VWA3A: variants seen among roughly 807,000 people sequenced by gnomAD.
VWA3A encodes the protein von Willebrand factor A domain-containing protein 3A.
VWA3A carries 134 observed loss-of-function variants against 160.4 expected under a neutral mutation model. The ratio of observed to expected loss-of-function variants is 0.84; its 90% confidence interval spans 0.73 to 0.96. The LOEUF is 0.96. Ranked by LOEUF, VWA3A falls within the 40% of genes least tolerant of loss-of-function variation. VWA3A has a pLI of 0.00. For synonymous variants in VWA3A, 476 were observed against 543.4 expected, an observed-to-expected ratio of 0.88 and a Z score of 1.72; for missense variants, 1,310 against 1,447.9, an observed-to-expected ratio of 0.90 and a Z score of 1.55.
At chr16:22,142,478 T>C (rs1316592928) in intron 24 of VWA3A, among the ~76,000 whole-genome samples, 190 bp from the exon 25 acceptor site, 2 of 151,822 alleles carry the variant, frequency 1.3e-5, no homozygotes, top group African/African-American at 4.8e-5. Flanking sequence ...CGGCAAGTAA[T>C]AGAGGGAGAA....
chr16:22,136,144 G>A (rs1376658694), intron 21 of VWA3A, among the ~76,000 whole-genome samples: 1 of 152,170 alleles, frequency 6.6e-6, no homozygotes, highest in African/African-American at 2.4e-5. Flanking sequence ...AGTTGAGCAG[G>A]ACAAGATACA....
At chr16:22,149,712 A>G (rs1305444819) in intron 28 of VWA3A, 75 bp from the exon 29 acceptor site, 4 of 1,462,896 alleles carry the variant, frequency 2.7e-6, no homozygotes, top group East Asian at 2.5e-5. Context: ...TCTGAATTCA[A>G]TCTAGACAGG....
rs557938940 is a variant in VWA3A at position 22,132,873 on chromosome 16, C to T, written c.1873-27C>T. The stretch of plus-strand genomic sequence containing the variant: ...CAGCTTCAAGGCCCTCAGCTGCTGG[C>T]CCCTCCTACCTTCTCTTCCCCACCA... On this transcript the variant is annotated intron_variant, in intron 19 of 33. Coordinates refer to ENST00000389398, the MANE Select transcript of VWA3A (RefSeq NM_173615.5). 6 of 1,597,464 alleles carry T rather than the reference C, an allele frequency of 3.8e-6. No individual in the cohort carries two copies. In the South Asian group the frequency reaches 5.6e-5, roughly 15 times the overall value.
chr16:22,104,537 G>A (rs1355332464), intron 6 of VWA3A, among the ~76,000 whole-genome samples: 2 of 152,090 alleles, frequency 1.3e-5, no homozygotes, highest in Non-Finnish European at 2.9e-5. Context: ...TTAAGGGCTA[G>A]GCATAGTGGT....
intron 22 of VWA3A, among the ~76,000 whole-genome samples, chr16:22,139,363 C>T (rs2046102110): frequency 6.6e-6 from 1 of 152,302 alleles, no homozygotes; most frequent in South Asian, 2.1e-4. Context: ...CCGCCACACT[C>T]CAGTCGTGGC....
chr16:22,115,316 T>C, intron 8 of VWA3A, 31 bp from the exon 9 acceptor site: 1 of 1,556,914 alleles, frequency 6.4e-7, no homozygotes, highest in East Asian at 2.3e-5. Context: ...AACAGTCTTA[T>C]AATTAGGTTG....
intron 29 of VWA3A, 93 bp downstream of exon 29, chr16:22,150,024 C>A: frequency 6.9e-7 from 1 of 1,449,238 alleles, no homozygotes; most frequent in South Asian, 1.5e-5. Flanking sequence ...TTACAAAGGG[C>A]GCTTTATAAT....
chr16:22,137,883 T>A (rs2046072914), intron 21 of VWA3A, among the ~76,000 whole-genome samples: 1 of 152,194 alleles, frequency 6.6e-6, no homozygotes, highest in Admixed American at 6.6e-5. Flanking sequence ...AAATCCTATC[T>A]AGAGGAACAA....
rs114671535 is a variant in VWA3A, at chr16:22,154,658, T to A, written c.3406-909T>A. 9.1e-3 allele frequency among the ~76,000 whole-genome samples: 1,388 copies of A among 151,778 alleles called. 24 individuals carry two copies. The highest frequency in any genetic ancestry group is 0.03 in the African/African-American group (1,224 of 41,394). ...AAATTTTATTAGTTAACATTTTTTT[T>A]AAAAAGCATGCCTCAGCCGGGCGCG... is the stretch of plus-strand genomic sequence containing the variant. On this transcript the variant is annotated intron_variant, in intron 31 of 33. Coordinates refer to ENST00000389398, the MANE Select transcript of VWA3A (RefSeq NM_173615.5).
In VWA3A at chr16:22,123,663, C is replaced by G; in HGVS notation, c.1488C>G (p.Leu496=). 1 of 1,613,972 alleles carries G rather than the reference C, an allele frequency of 6.2e-7. No homozygotes were observed. The highest frequency in any genetic ancestry group is 2.2e-5 in the East Asian group (1 of 44,874). The change falls in exon 16 of 34, where the codon CTC becomes CTG. Residue 496 remains leucine (L), a synonymous_variant. Coordinates refer to ENST00000389398, the MANE Select transcript of VWA3A (RefSeq NM_173615.5). ...MRMYERRIEW[L]SLASRRIWGT... The stretch of plus-strand genomic sequence containing the variant: ...TGTATGAGAGGCGGATTGAGTGGCT[C>G]TCCCTGGCCAGCAGAAGAATCTGGG...
chr16:22,101,928 G>T (rs1433224023), intron 5 of VWA3A, among the ~76,000 whole-genome samples: 3 of 152,182 alleles, frequency 2.0e-5, no homozygotes, highest in African/African-American at 7.2e-5. Flanking sequence ...AAATTGACTT[G>T]GATAGAATCC....
At position 22,153,738 on chromosome 16, in the gene VWA3A, A is replaced by AT. The variant is rs66519465; in HGVS notation, c.3405+1123dup. Among the ~76,000 whole-genome samples, 1,081 of 132,530 alleles carry AT rather than the reference A, an allele frequency of 8.2e-3. 43 individuals are homozygous for AT. Among genetic ancestry groups the AT allele is most frequent in the Middle Eastern group, 0.024 (6 of 254 alleles). 86.9% of individuals were successfully genotyped at this position (132,530 alleles called of 152,430 possible). A position where few individuals can be genotyped will look rare whatever the true frequency, so the allele number is the denominator to read the frequency against. Reference sequence around the variant, plus strand: ...GGTTACTTTCACAGGACATGGCATAATTTTTTTTTTTTTTTTTTTGAGACA... The same window carrying AT: ...GGTTACTTTCACAGGACATGGCATAATTTTTTTTTTTTTTTTTTTTGAGACA... On this transcript the variant is annotated intron_variant, in intron 31 of 33. Transcript: ENST00000389398.
At chr16:22,100,384 A>G (rs757255650) in intron 4 of VWA3A, 32 bp from the exon 5 acceptor site, 75 of 1,551,658 alleles carry the variant, frequency 4.8e-5, no homozygotes, top group Non-Finnish European at 5.7e-5. Flanking sequence ...CCTGGGCCCG[A>G]GAGATCCCCT....
At chr16:22,118,854 C>T in intron 11 of VWA3A, 48 bp from the exon 12 acceptor site, 1 of 1,609,770 alleles carries the variant, frequency 6.2e-7, no homozygotes, top group Non-Finnish European at 8.5e-7. Context: ...TTGACCCCTG[C>T]AGGTAGTCAA....
At chr16:22,123,384 G>A in intron 15 of VWA3A, 1 of 1,448,192 alleles carries the variant, frequency 6.9e-7, no homozygotes, top group South Asian at 1.2e-5. Flanking sequence ...ATCCTCTGGG[G>A]AAAGATCTGC....
intron 6 of VWA3A, among the ~76,000 whole-genome samples, chr16:22,108,095 C>T (rs2045505950): frequency 6.6e-6 from 1 of 152,116 alleles, no homozygotes; most frequent in African/African-American, 2.4e-5. Flanking sequence ...TCATTGATCA[C>T]CTTGACATGT....
At chr16:22,148,069 G>A in intron 27 of VWA3A, 93 bp from the exon 28 acceptor site, 23 of 1,427,218 alleles carry the variant, frequency 1.6e-5, no homozygotes, top group Non-Finnish European at 2.0e-5. Flanking sequence ...GGTGTCACAA[G>A]ACTTTATACT....
At chr16:22,093,528 T>C (rs1598037190) in intron 1 of VWA3A, among the ~76,000 whole-genome samples, 1 of 152,186 alleles carries the variant, frequency 6.6e-6, no homozygotes, top group Non-Finnish European at 1.5e-5. Flanking sequence ...ACGCAGTGAG[T>C]GCTCTATAAA....
Position 22,144,253 on chromosome 16 carries a change from G to T in VWA3A, c.2599G>T (p.Ala867Ser), listed in dbSNP as rs1034837289. Residue 867 changes from alanine to serine, a missense_variant, in exon 26 of 34, where the codon GCA becomes TCA. Ala to Ser is a moderately conservative substitution (Grantham distance 99). Coordinates refer to ENST00000389398, the MANE Select transcript of VWA3A (RefSeq NM_173615.5). ...TCTTTCCTTTATTCTAAAGTGGGTG[G>T]CAAAATATGGGCTCAAAAAATTGAA... is the stretch of plus-strand genomic sequence containing the variant. ...DTVCSSQEWV[A>S]KYGLKKLKLE... 2 of 1,610,940 alleles carry T rather than the reference G, an allele frequency of 1.2e-6. No homozygotes were observed. Among genetic ancestry groups the T allele is most frequent in the Non-Finnish European group, 1.7e-6 (2 of 1,178,868 alleles).
Sources: allele counts gnomAD v4.1 joint callset (sites outside exome capture counted in the v4.1 genomes callset), GRCh38; gene constraint gnomAD v4.1.1; transcripts MANE v1.5; gene names NCBI Gene and HGNC (gene_info 2026-07-23, HGNC 2026-07-21).